AGR3: variants seen among roughly 807,000 people sequenced by gnomAD.
The protein encoded by AGR3 is anterior gradient protein 3.
AGR3 carries 37 observed loss-of-function variants against 24.5 expected under a neutral mutation model. The ratio of observed to expected loss-of-function variants is 1.51; its 90% CI spans 1.16 to 1.99. AGR3 has a LOEUF of 1.99. AGR3 is among the 30% of genes most tolerant of loss of function. AGR3 has a pLI of 0.00. For synonymous variants in AGR3, 75 were observed against 61.6 expected (o/e 1.22, Z -1.02); for missense variants, 228 against 191.1 (o/e 1.19, Z -1.14).
At chr7:16,865,462 A>G (rs899837406) in intron 3 of AGR3, 12 of 778,962 alleles carry the variant, frequency 1.5e-5, no homozygotes, top group Non-Finnish European at 2.7e-5. Flanking sequence ...CTAATATTTG[A>G]GGTAGAATGC....
chr7:16,879,913 C>T (rs936012029), intron 1 of AGR3, among the ~76,000 whole-genome samples: 1 of 151,986 alleles, frequency 6.6e-6, no homozygotes, highest in African/African-American at 2.4e-5. Context: ...CCAGACATTT[C>T]CTCATTCCTC....
intron 1 of AGR3, 113 bp from the exon 2 acceptor site, chr7:16,878,758 G>A: frequency 1.4e-6 from 1 of 698,856 alleles, no homozygotes. Context: ...CAGCTTTTTT[G>A]GTTTGACATG....
intron 3 of AGR3, among the ~76,000 whole-genome samples, chr7:16,872,619 C>A (rs895444101): frequency 6.6e-6 from 1 of 152,062 alleles, no homozygotes; most frequent in Non-Finnish European, 1.5e-5. Flanking sequence ...GACTATGTCA[C>A]CTGAGAAGCA....
At chr7:16,879,544 C>G (rs1782062583) in intron 1 of AGR3, among the ~76,000 whole-genome samples, 1 of 152,180 alleles carries the variant, frequency 6.6e-6, no homozygotes, top group African/African-American at 2.4e-5. Flanking sequence ...AGTTTTGAAA[C>G]TTTACCTCAA....
intron 5 of AGR3, 95 bp from the exon 6 acceptor site, chr7:16,861,542 G>C: frequency 9.3e-7 from 1 of 1,080,444 alleles, no homozygotes. Flanking sequence ...ATTCTATTTT[G>C]GCCTTTTATA....
chr7:16,860,477 T>C, intron 7 of AGR3, 23 bp downstream of exon 7: 1 of 1,544,556 alleles, frequency 6.5e-7, no homozygotes, highest in Non-Finnish European at 9.0e-7. Context: ...GACCACTGTT[T>C]GAGATCATTT....
At chr7:16,855,604 A>G (rs1430796997), downstream of AGR3, among the ~76,000 whole-genome samples, 7 of 152,148 alleles carry the variant, frequency 4.6e-5, no homozygotes, top group Non-Finnish European at 1.5e-5. Flanking sequence ...GGGGACAGGG[A>G]CTTTCTGCTC....
intron 1 of AGR3, among the ~76,000 whole-genome samples, chr7:16,881,398 TG>T (rs1466697535): frequency 8.5e-5 from 13 of 152,178 alleles, no homozygotes; most frequent in Non-Finnish European, 1.8e-4. Flanking sequence ...ACGCTTTCCT[TG>T]GTAAAATATA....
At chr7:16,864,391 G>A (rs562381451) in intron 3 of AGR3, 47 of 1,299,440 alleles carry the variant, frequency 3.6e-5, no homozygotes, top group Non-Finnish European at 4.9e-5. Flanking sequence ...AAGAGACCAG[G>A]TTTCCAGCTC....
At chr7:16,864,799 T>C (rs1264379862) in intron 3 of AGR3, 7 of 950,938 alleles carry the variant, frequency 7.4e-6, no homozygotes, top group Admixed American at 3.4e-5. Flanking sequence ...TTTGTTGGAA[T>C]GTATCACACC....
At chr7:16,869,975 A>G (rs1430048702) in intron 3 of AGR3, among the ~76,000 whole-genome samples, 1 of 151,948 alleles carries the variant, frequency 6.6e-6, no homozygotes, top group African/African-American at 2.4e-5. Flanking sequence ...AAAAAATCTT[A>G]TCACAATTTA....
downstream of AGR3, among the ~76,000 whole-genome samples, chr7:16,856,854 C>T (rs1781561394): frequency 6.6e-6 from 1 of 151,956 alleles, no homozygotes; most frequent in African/African-American, 2.4e-5. Context: ...CACACACACA[C>T]ACACATTCAC....
At chr7:16,881,608 A>G (rs1438616007) in intron 1 of AGR3, among the ~76,000 whole-genome samples, 2 of 152,246 alleles carry the variant, frequency 1.3e-5, no homozygotes, top group Non-Finnish European at 2.9e-5. Context: ...TTTCAAAAGT[A>G]ATTTAACGTA....
At chr7:16,879,843 C>T (rs1334512445) in intron 1 of AGR3, among the ~76,000 whole-genome samples, 2 of 152,140 alleles carry the variant, frequency 1.3e-5, no homozygotes, top group Non-Finnish European at 2.9e-5. Flanking sequence ...AAGTAGCAAC[C>T]GCAGTCGTGG....
chr7:16,865,318 C>T (rs144099263), intron 3 of AGR3: 5 of 1,172,668 alleles, frequency 4.3e-6, no homozygotes, highest in Non-Finnish European at 5.0e-6. Context: ...CTCATATCAC[C>T]AGAACATCCT....
At chr7:16,865,500 A>C in intron 3 of AGR3, 1 of 718,048 alleles carries the variant, frequency 1.4e-6, no homozygotes, top group South Asian at 1.6e-5. Context: ...GGGGAACAAG[A>C]AACTTTGATT....
chr7:16,864,988 A>AT, intron 3 of AGR3: 2 of 981,442 alleles, frequency 2.0e-6, no homozygotes, highest in South Asian at 1.3e-5. Context: ...CATGTGTGAC[A>AT]TTTCTACTAC....
chr7:16,863,458 A>C (rs1216016320), intron 3 of AGR3, among the ~76,000 whole-genome samples: 2 of 152,156 alleles, frequency 1.3e-5, no homozygotes, highest in Non-Finnish European at 2.9e-5. Context: ...TTTTGATTTT[A>C]ACCATAAAAA....
rs532704265 is a variant in AGR3, at chr7:16,870,914, A to G, written c.173+2866T>C. ...TAATTTGGAATCTTAATTTATCTTT[A>G]AAGAGTATTGCAATAGAATGTTCTT... On this transcript the variant is annotated intron_variant, in intron 3 of 7. Transcript: ENST00000310398. 4.6e-5 allele frequency among the ~76,000 whole-genome samples: 7 copies of G among 152,274 alleles called. No homozygotes were observed. In the East Asian group the frequency reaches 1.2e-3, roughly 25 times the overall value.
Sources: gnomAD v4.1 joint callset for allele counts (sites outside exome capture counted in the v4.1 genomes callset) on GRCh38, gnomAD v4.1.1 for gene constraint, MANE v1.5 for transcripts, NCBI Gene and HGNC (gene_info 2026-07-23, HGNC 2026-07-21) for gene names.